CHSY3: variants seen among roughly 807,000 people sequenced by gnomAD.
The protein encoded by CHSY3 is N-acetylgalactosaminyl-proteoglycan 3-beta-glucuronosyltransferase 3.
Under a neutral mutation model 67.2 loss-of-function variants are expected in CHSY3, and 35 were observed. The observed-to-expected ratio is 0.52, with a 90% CI of 0.40 to 0.69. The LOEUF (loss-of-function observed/expected upper bound fraction) is 0.69. Among genes scored for constraint, CHSY3 ranks in the 30% least tolerant of loss-of-function variants. The pLI, the probability that CHSY3 is intolerant of heterozygous loss-of-function variation, is 0.00. For missense variants in CHSY3, 1,069 were observed against 1,138.5 expected, an observed-to-expected ratio of 0.94 and a Z score of 0.88; for synonymous variants, 474 against 434.7, an observed-to-expected ratio of 1.09 and a Z score of -1.12.
At chr5:130,158,893 A>G (rs1237139745) in intron 2 of CHSY3, among the ~76,000 whole-genome samples, 2 of 152,004 alleles carry the variant, frequency 1.3e-5, no homozygotes, top group Non-Finnish European at 2.9e-5. Context: ...TCGACCTCCT[A>G]GGGCTCAGGC....
chr5:130,097,680 A>G (rs780479339), intron 2 of CHSY3, among the ~76,000 whole-genome samples: 13 of 152,178 alleles, frequency 8.5e-5, no homozygotes, highest in Non-Finnish European at 1.6e-4. Context: ...TTATTTTGAG[A>G]TAATTGTAGA....
chr5:130,136,573 G>A (rs1176560461), intron 2 of CHSY3, among the ~76,000 whole-genome samples: 1 of 152,028 alleles, frequency 6.6e-6, no homozygotes, highest in Non-Finnish European at 1.5e-5. Context: ...GCACTGGCAG[G>A]AATAATGGAA....
intron 2 of CHSY3, chr5:130,140,152 A>G (rs1438769469): frequency 1.3e-5 from 3 of 231,936 alleles, no homozygotes; most frequent in Non-Finnish European, 2.5e-5. Context: ...ACTCCAAGCT[A>G]TGTCATCTTC....
At chr5:130,052,078 C>T (rs746886809) in intron 2 of CHSY3, 1 of 152,316 alleles carries the variant, frequency 6.6e-6, no homozygotes, top group Non-Finnish European at 1.5e-5. Flanking sequence ...TTCTTTCTCT[C>T]TGCAGATGAG....
intron 2 of CHSY3, chr5:130,001,762 C>G: frequency 1.2e-6 from 1 of 836,366 alleles, no homozygotes; most frequent in South Asian, 5.5e-5. Flanking sequence ...ATCCCTTATT[C>G]TGAACATGCC....
Position 129,998,670 on chromosome 5 carries a change from C to A in CHSY3, c.1086+90310C>A, listed in dbSNP as rs567336234. Among the ~76,000 whole-genome samples the A allele has an allele frequency of 5.3e-5, 8 of 151,966 alleles. No homozygotes were observed. The South Asian group carries it at 1.5e-3, about 28-fold the overall frequency. ...CAATCTGATTATTAAAAAAGCCAGT[C>A]CTTTTTAAATTGTTTTTGCAGGTTT... is the stretch of plus-strand genomic sequence containing the variant. On this transcript the variant is annotated intron_variant, in intron 2 of 2. Transcript: ENST00000305031.
chr5:129,996,310 G>C (rs1046442108), intron 2 of CHSY3, among the ~76,000 whole-genome samples: 3 of 152,090 alleles, frequency 2.0e-5, no homozygotes, highest in African/African-American at 7.2e-5. Flanking sequence ...GGTCCCTTTA[G>C]TGCTTATGGA....
At chr5:130,094,945 A>T (rs766165354) in intron 2 of CHSY3, among the ~76,000 whole-genome samples, 1 of 152,192 alleles carries the variant, frequency 6.6e-6, no homozygotes, top group Non-Finnish European at 1.5e-5. Flanking sequence ...TATCATAGAT[A>T]ATGGGAGCTA....
intron 2 of CHSY3, among the ~76,000 whole-genome samples, chr5:130,128,181 A>G (rs1768355570): frequency 6.6e-6 from 1 of 151,798 alleles, no homozygotes; most frequent in African/African-American, 2.4e-5. Flanking sequence ...AGAGATGAAC[A>G]AGATTAAAAA....
intron 2 of CHSY3, among the ~76,000 whole-genome samples, chr5:129,908,837 A>G (rs1476095056): frequency 2.6e-5 from 4 of 152,106 alleles, no homozygotes; most frequent in Non-Finnish European, 5.9e-5. Context: ...TCCAGTGGAA[A>G]TTTAACATAT....
At chr5:130,019,641 G>C (rs139641019) in intron 2 of CHSY3, among the ~76,000 whole-genome samples, 3 of 152,052 alleles carry the variant, frequency 2.0e-5, no homozygotes, top group Non-Finnish European at 4.4e-5. Context: ...TAACAACCTC[G>C]TTTATCTTTC....
At chr5:129,972,952 G>T (rs756248609) in intron 2 of CHSY3, among the ~76,000 whole-genome samples, 1 of 151,658 alleles carries the variant, frequency 6.6e-6, no homozygotes, top group African/African-American at 2.4e-5. Flanking sequence ...TTGATCTTTA[G>T]CCCACAGATA....
rs1260717839 is a variant in CHSY3, at chr5:130,184,502, C to T, written c.1360C>T (p.His454Tyr). Reference sequence around the variant, plus strand: ...GCTGGGAGTGATACCTTCTTTCAACCACTTCCAGCCTCGGGAGAGAAATGA... The same window carrying T: ...GCTGGGAGTGATACCTTCTTTCAACTACTTCCAGCCTCGGGAGAGAAATGA... The part of the protein sequence containing the change: ...QQLGVIPSFN[H>Y]FQPRERNEVI... The change falls in exon 3 of 3, where the codon CAC becomes TAC. Residue 454 changes from histidine to tyrosine, a missense_variant. By Grantham distance (83) the His-to-Tyr change is moderately conservative. Around this residue, in one of 5 missense-constraint regions of CHSY3, gnomAD observed 401 missense variants for 395.2 expected, o/e 1.01. Transcript: ENST00000305031. 1 of 1,611,502 alleles carries T rather than the reference C, an allele frequency of 6.2e-7. No homozygotes were observed. Among genetic ancestry groups the T allele is most frequent in the African/African-American group, 1.3e-5 (1 of 75,006 alleles).
chr5:130,124,099 G>C (rs921620556), intron 2 of CHSY3, among the ~76,000 whole-genome samples: 1 of 144,398 alleles, frequency 6.9e-6, no homozygotes, highest in Non-Finnish European at 1.5e-5. Flanking sequence ...GGAGGAAAAA[G>C]CATAAAATTG....
Position 130,184,751 on chromosome 5 carries a change from T to G in CHSY3, c.1609T>G (p.Tyr537Asp), listed in dbSNP as rs1580808845. 1 of 1,604,036 alleles carries G rather than the reference T, an allele frequency of 6.2e-7. No homozygotes were observed. Among genetic ancestry groups the G allele is most frequent in the Non-Finnish European group, 8.5e-7 (1 of 1,171,150 alleles). Residue 537 changes from tyrosine (Y) to aspartate (D), a missense_variant, in exon 3 of 3, where the codon TAC becomes GAC. Physicochemically the swap from Tyr to Asp is radical, Grantham distance 160. Around this residue, in one of 5 missense-constraint regions of CHSY3, gnomAD observed 401 missense variants for 395.2 expected, o/e 1.01. Coordinates refer to ENST00000305031, the MANE Select transcript of CHSY3 (RefSeq NM_175856.5). Reference protein sequence around the residue: ...RRVNPMHGVEYILDLLLLYKR... With the variant: ...RRVNPMHGVEDILDLLLLYKR... ...AGTTAACCCCATGCACGGGGTGGAG[T>G]ACATTTTGGATTTACTCCTTTTATA...
intron 2 of CHSY3, among the ~76,000 whole-genome samples, chr5:129,928,176 T>C (rs903679661): frequency 6.6e-6 from 1 of 150,990 alleles, no homozygotes; most frequent in Non-Finnish European, 1.5e-5. Context: ...TTTGTTATCT[T>C]TCCTGATCCT....
At chr5:129,981,056 A>G (rs1436123727) in intron 2 of CHSY3, among the ~76,000 whole-genome samples, 1 of 143,510 alleles carries the variant, frequency 7.0e-6, no homozygotes, top group African/African-American at 2.7e-5. Flanking sequence ...AATACAAAAA[A>G]AAAAAAAAAA....
chr5:130,063,064 T>A (rs2159120), intron 2 of CHSY3, among the ~76,000 whole-genome samples: 3 of 151,888 alleles, frequency 2.0e-5, no homozygotes, highest in African/African-American at 7.3e-5. Flanking sequence ...TAGAATTTGG[T>A]CTTCTATATT....
At chr5:130,015,517 C>A (rs1030817340) in intron 2 of CHSY3, among the ~76,000 whole-genome samples, 1 of 152,064 alleles carries the variant, frequency 6.6e-6, no homozygotes, top group Non-Finnish European at 1.5e-5. Flanking sequence ...TAGGGAAATG[C>A]AAATCAAAAC....
Sources: gnomAD v4.1 joint callset for allele counts (sites outside exome capture counted in the v4.1 genomes callset) on GRCh38, gnomAD v4.1.1 for gene constraint, gnomAD v4.1.1 regional missense constraint, MANE v1.5 for transcripts, NCBI Gene and HGNC (gene_info 2026-07-23, HGNC 2026-07-21) for gene names.